SUPT3H: variants seen among roughly 807,000 people sequenced by gnomAD.
SUPT3H encodes SPT3 homolog, SAGA and STAGA complex component, also known as transcription initiation protein SPT3 homolog.
SUPT3H carries 44 observed loss-of-function variants against 44.3 expected under a neutral mutation model. The observed-to-expected ratio is 0.99, with a 90% confidence interval of 0.78 to 1.28. The LOEUF (loss-of-function observed/expected upper bound fraction) is 1.28, where lower values mean the gene tolerates loss of function less well. Among genes scored for constraint, SUPT3H ranks in the 50% most tolerant of loss-of-function variants. SUPT3H has a pLI of 0.00. For synonymous variants in SUPT3H, 124 were observed against 125.6 expected (o/e 0.99, Z 0.09); for missense variants, 380 against 387.1 (o/e 0.98, Z 0.15).
chr6:45,129,646 C>T lies in SUPT3H; in HGVS notation c.102-23640G>A, dbSNP rs558423562. The stretch of plus-strand genomic sequence containing the variant: ...AGTTAGGCAGCTACTGATTTTTGTA[C>T]GTCAATATTTATTACTATTTTAATA... On this transcript the variant is annotated intron_variant, in intron 2 of 10. Coordinates refer to ENST00000371459, the MANE Select transcript of SUPT3H (RefSeq NM_003599.4). Among the ~76,000 whole-genome samples the T allele has an allele frequency of 2.6e-4, 39 of 152,014 alleles. 1 individual carries two copies. The South Asian group carries it at 4.2e-3, about 16-fold the overall frequency.
chr6:44,816,610 T>C (rs938975542), intron 11 of SUPT3H, among the ~76,000 whole-genome samples: 12 of 151,956 alleles, frequency 7.9e-5, no homozygotes, highest in African/African-American at 1.9e-4. Flanking sequence ...TTCCAGAACA[T>C]AGAAAAGGAA....
At chr6:45,340,557 C>A (rs1789564752) in intron 2 of SUPT3H, among the ~76,000 whole-genome samples, 1 of 152,010 alleles carries the variant, frequency 6.6e-6, no homozygotes, top group Non-Finnish European at 1.5e-5. Flanking sequence ...CTACTGGGCT[C>A]AAGCGATCCT....
intron 2 of SUPT3H, among the ~76,000 whole-genome samples, chr6:45,248,708 A>C (rs2153651337): frequency 6.6e-6 from 1 of 152,276 alleles, no homozygotes; most frequent in African/African-American, 2.4e-5. Context: ...CGAGGTCAGG[A>C]GATCGAGACC....
At chr6:45,036,373 A>G (rs1361564641) in intron 3 of SUPT3H, among the ~76,000 whole-genome samples, 2 of 152,124 alleles carry the variant, frequency 1.3e-5, no homozygotes, top group East Asian at 3.9e-4. Context: ...ACACAGCTAC[A>G]GTATACTAAG....
At chr6:45,293,605 A>C (rs1311889354) in intron 2 of SUPT3H, among the ~76,000 whole-genome samples, 1 of 152,264 alleles carries the variant, frequency 6.6e-6, no homozygotes, top group East Asian at 1.9e-4. Context: ...TTAACTAAGA[A>C]AAGAAGAGAG....
At chr6:45,372,813 C>A (rs1404161175) in intron 1 of SUPT3H, among the ~76,000 whole-genome samples, 1 of 151,950 alleles carries the variant, frequency 6.6e-6, no homozygotes, top group African/African-American at 2.4e-5. Context: ...CACAAACCAC[C>A]AAGCTCAGCT....
At chr6:45,230,206 T>C (rs1450654390) in intron 2 of SUPT3H, among the ~76,000 whole-genome samples, 1 of 152,200 alleles carries the variant, frequency 6.6e-6, no homozygotes, top group Non-Finnish European at 1.5e-5. Flanking sequence ...ATTCTGCAGT[T>C]AGTGGATAAA....
At chr6:45,324,894 T>C (rs937599678) in intron 2 of SUPT3H, among the ~76,000 whole-genome samples, 1 of 151,884 alleles carries the variant, frequency 6.6e-6, no homozygotes, top group Non-Finnish European at 1.5e-5. Context: ...TACATAAACA[T>C]ATACCCCATT....
chr6:45,150,602 T>C (rs1806772190), intron 2 of SUPT3H, among the ~76,000 whole-genome samples: 1 of 152,116 alleles, frequency 6.6e-6, no homozygotes, highest in South Asian at 2.1e-4. Context: ...TCTATCTCAG[T>C]GGCAGCATTT....
chr6:45,257,152 T>C (rs915242998), intron 2 of SUPT3H, among the ~76,000 whole-genome samples: 3 of 152,184 alleles, frequency 2.0e-5, no homozygotes, highest in Admixed American at 6.5e-5. Context: ...TGGTATCTCA[T>C]TAAGGTTTTG....
intron 2 of SUPT3H, among the ~76,000 whole-genome samples, chr6:45,260,128 T>C (rs1192418265): frequency 2.0e-5 from 3 of 152,190 alleles, no homozygotes; most frequent in South Asian, 2.1e-4. Flanking sequence ...AATAAACTTA[T>C]GTTACATGGT....
At chr6:45,230,074 CAT>C (rs1767668920) in intron 2 of SUPT3H, among the ~76,000 whole-genome samples, 1 of 152,100 alleles carries the variant, frequency 6.6e-6, no homozygotes. Flanking sequence ...TGAGTGATAA[CAT>C]GTGGTATTTG....
intron 2 of SUPT3H, among the ~76,000 whole-genome samples, chr6:45,182,004 G>GAGT (rs1395598071): frequency 2.6e-5 from 4 of 152,088 alleles, no homozygotes; most frequent in Admixed American, 2.6e-4. Context: ...CAGTGGTTGA[G>GAGT]AGTAAGCCCA....
At chr6:45,259,573 G>A (rs1422686620) in intron 2 of SUPT3H, among the ~76,000 whole-genome samples, 2 of 152,008 alleles carry the variant, frequency 1.3e-5, no homozygotes, top group Non-Finnish European at 2.9e-5. Flanking sequence ...TGTGGTGAAA[G>A]GCCCAAAATT....
At chr6:45,056,481 G>T (rs1375088411) in intron 3 of SUPT3H, among the ~76,000 whole-genome samples, 1 of 152,112 alleles carries the variant, frequency 6.6e-6, no homozygotes, top group Non-Finnish European at 1.5e-5. Flanking sequence ...GGTACATCAT[G>T]GAATACTCCT....
intron 2 of SUPT3H, among the ~76,000 whole-genome samples, chr6:45,305,843 T>C (rs1782903746): frequency 1.3e-5 from 2 of 152,226 alleles, no homozygotes; most frequent in African/African-American, 4.8e-5. Flanking sequence ...TTCAGATATC[T>C]GAGCCATCAC....
chr6:44,887,406 A>G (rs1188936132), intron 10 of SUPT3H, among the ~76,000 whole-genome samples: 2 of 152,244 alleles, frequency 1.3e-5, no homozygotes, highest in Non-Finnish European at 2.9e-5. Context: ...AACAGAAATT[A>G]TAACAAACTG....
intron 10 of SUPT3H, among the ~76,000 whole-genome samples, chr6:44,917,220 C>T (rs1767958099): frequency 6.6e-6 from 1 of 152,016 alleles, no homozygotes; most frequent in Admixed American, 6.5e-5. Context: ...TTGTCTGACT[C>T]AAAAGCCCTT....
At chr6:44,849,287 C>T (rs1444402707) in intron 10 of SUPT3H, among the ~76,000 whole-genome samples, 5 of 127,958 alleles carry the variant, frequency 3.9e-5, no homozygotes, top group South Asian at 2.5e-4. Flanking sequence ...AGTGCAGTGG[C>T]GGGATCTCGG....
Sources: allele counts gnomAD v4.1 joint callset (sites outside exome capture counted in the v4.1 genomes callset), GRCh38; gene constraint gnomAD v4.1.1; transcripts MANE v1.5; gene names NCBI Gene and HGNC (gene_info 2026-07-23, HGNC 2026-07-21).